The following XIRP2 variants were observed in gnomAD, a reference collection of about 807,000 sequenced individuals.
The protein encoded by XIRP2 is xin actin-binding repeat-containing protein 2.
In XIRP2, 236 loss-of-function variants were observed where a neutral mutation model predicts 277.0. The observed-to-expected ratio is 0.85, with a 90% CI of 0.77 to 0.95. XIRP2 has a LOEUF of 0.95. Among genes scored for constraint, XIRP2 ranks in the 40% least tolerant of loss-of-function variants. The pLI is 0.00. For missense variants in XIRP2, 4,640 were observed against 4,157.5 expected, an observed-to-expected ratio of 1.12 and a Z score of -3.19; for synonymous variants, 1,490 against 1,416.5, an observed-to-expected ratio of 1.05 and a Z score of -1.17.
intron 4 of XIRP2, among the ~76,000 whole-genome samples, chr2:167,213,988 G>T (rs1330722448): frequency 2.0e-5 from 3 of 151,650 alleles, no homozygotes; most frequent in Non-Finnish European, 2.9e-5. Flanking sequence ...GGAGGCTGAG[G>T]TGGGTGGATC....
intron 2 of XIRP2, among the ~76,000 whole-genome samples, chr2:167,010,062 T>G (rs1472656208): frequency 6.6e-6 from 1 of 152,084 alleles, no homozygotes; most frequent in Non-Finnish European, 1.5e-5. Context: ...AGAAGCTCTT[T>G]AGTTTAATTA....
chr2:167,047,059 C>T (rs1688804029), intron 2 of XIRP2, among the ~76,000 whole-genome samples: 1 of 151,052 alleles, frequency 6.6e-6, no homozygotes, highest in African/African-American at 2.4e-5. Context: ...ATAAGGACAC[C>T]CACTGCCTCA....
At chr2:167,116,113 T>C (rs1005818489) in intron 2 of XIRP2, among the ~76,000 whole-genome samples, 2 of 152,188 alleles carry the variant, frequency 1.3e-5, no homozygotes, top group Non-Finnish European at 2.9e-5. Context: ...ATTTTGCCTT[T>C]CTTGGGTGAG....
intron 1 of XIRP2, among the ~76,000 whole-genome samples, chr2:166,899,189 A>G (rs139174752): frequency 6.6e-6 from 1 of 152,208 alleles, no homozygotes; most frequent in African/African-American, 2.4e-5. Context: ...GATTTTTATT[A>G]GTTCCCCTAA....
intron 2 of XIRP2, among the ~76,000 whole-genome samples, chr2:166,979,846 C>T (rs1686820967): frequency 6.6e-6 from 1 of 152,028 alleles, no homozygotes; most frequent in South Asian, 2.1e-4. Flanking sequence ...GGTTTTCCTG[C>T]ATCTTTTCTT....
chr2:167,050,816 T>A (rs1688895322), intron 2 of XIRP2, among the ~76,000 whole-genome samples: 1 of 151,872 alleles, frequency 6.6e-6, no homozygotes, highest in African/African-American at 2.4e-5. Context: ...GGCACATTTT[T>A]TTTTTTTAAT....
chr2:166,894,356 C>T (rs1413313962), intron 1 of XIRP2, among the ~76,000 whole-genome samples: 2 of 152,110 alleles, frequency 1.3e-5, no homozygotes, highest in Non-Finnish European at 2.9e-5. Context: ...GAAATAAACT[C>T]TTTGGAATCC....
At chr2:166,972,796 T>A (rs1343557651) in intron 2 of XIRP2, among the ~76,000 whole-genome samples, 1 of 152,206 alleles carries the variant, frequency 6.6e-6, no homozygotes, top group Non-Finnish European at 1.5e-5. Context: ...TTAATCTTTA[T>A]TCCATTCTAT....
At chr2:167,213,740 C>G (rs1573963504) in intron 4 of XIRP2, among the ~76,000 whole-genome samples, 1 of 152,148 alleles carries the variant, frequency 6.6e-6, no homozygotes, top group Non-Finnish European at 1.5e-5. Flanking sequence ...CCGGTTATGA[C>G]CACAGACTGC....
chr2:167,245,778 T>C lies in XIRP2; in HGVS notation c.4386T>C (p.Asp1462=). 1 of 1,613,696 alleles carries C rather than the reference T, an allele frequency of 6.2e-7. No homozygotes were observed. Residue 1462 remains aspartate (D), a synonymous_variant, in exon 9 of 11, where the codon GAT becomes GAC. Coordinates refer to ENST00000409195, the MANE Select transcript of XIRP2 (RefSeq NM_152381.6). ...STWLFETHTM[D]ELRGEGLEYE... is the part of the protein sequence containing the mutation. ...GGCTATTTGAAACCCACACTATGGA[T>C]GAACTGAGAGGAGAAGGGTTAGAAT...
rs368647013 is a variant in XIRP2, at chr2:167,236,810, C to T, written c.859-3045C>T. 4.6e-5 allele frequency among the ~76,000 whole-genome samples: 7 copies of T among 152,136 alleles called. No homozygotes were observed. In the East Asian group the frequency reaches 9.7e-4, roughly 21 times the overall value. On this transcript the variant is annotated intron_variant, in intron 5 of 10. Coordinates refer to ENST00000409195, the MANE Select transcript of XIRP2 (RefSeq NM_152381.6). ...TGGTGTGAATTTATGAATGGTGACCCGAACAGAGTTGTTTATAACATTTTA... is the reference window on the plus strand; with the variant it reads ...TGGTGTGAATTTATGAATGGTGACCTGAACAGAGTTGTTTATAACATTTTA...
At chr2:167,027,375 C>G (rs1574179949) in intron 2 of XIRP2, among the ~76,000 whole-genome samples, 1 of 152,270 alleles carries the variant, frequency 6.6e-6, no homozygotes, top group East Asian at 1.9e-4. Context: ...AAGGACTTCT[C>G]TGCATTGGCT....
At chr2:166,924,080 T>A (rs1685124387) in intron 2 of XIRP2, among the ~76,000 whole-genome samples, 1 of 152,036 alleles carries the variant, frequency 6.6e-6, no homozygotes, top group South Asian at 2.1e-4. Flanking sequence ...CTGAACTGAG[T>A]AGGTCAGTGG....
At chr2:166,975,932 A>AAAAAAAAAAAAAAAAAT (rs1686706326) in intron 2 of XIRP2, among the ~76,000 whole-genome samples, 1 of 54,046 alleles carries the variant, frequency 1.9e-5, no homozygotes, top group African/African-American at 1.1e-4. Context: ...CTCCGTCTCA[A>AAAAAAAAAAAAAAAAAT]AAAAAAAAAA....
At chr2:166,980,699 T>A (rs906614065) in intron 2 of XIRP2, among the ~76,000 whole-genome samples, 3 of 152,218 alleles carry the variant, frequency 2.0e-5, no homozygotes, top group Non-Finnish European at 4.4e-5. Flanking sequence ...ATTACAGGCA[T>A]GAGCCACCAT....
rs1345111734 is a variant in XIRP2, at chr2:167,249,730, G to A, written c.8338G>A (p.Val2780Met). Residue 2780 changes from valine to methionine, a missense_variant, in exon 9 of 11, where the codon GTG becomes ATG. Val to Met is a conservative substitution (Grantham distance 21). Transcript: ENST00000409195. ...TCAGTTACCTAAGAAGGAGAAAAGAGTGACAGTACAATTGCCTACAGAATC... is the reference window on the plus strand; with the variant it reads ...TCAGTTACCTAAGAAGGAGAAAAGAATGACAGTACAATTGCCTACAGAATC... Reference protein sequence around the residue: ...HYQLPKKEKRVTVQLPTESIQ... With the variant: ...HYQLPKKEKRMTVQLPTESIQ... The A allele has an allele frequency of 3.1e-6, 5 of 1,613,390 alleles. No individual in the cohort carries two copies. Among genetic ancestry groups the A allele is most frequent in the Non-Finnish European group, 3.4e-6 (4 of 1,179,748 alleles).
intron 3 of XIRP2, among the ~76,000 whole-genome samples, chr2:167,195,381 T>G (rs1379817327): frequency 6.6e-6 from 1 of 152,200 alleles, no homozygotes; most frequent in Non-Finnish European, 1.5e-5. Context: ...TCTTAGACTC[T>G]CAATATATTC....
At chr2:167,236,663 A>G (rs1207146554) in intron 5 of XIRP2, among the ~76,000 whole-genome samples, 1 of 152,094 alleles carries the variant, frequency 6.6e-6, no homozygotes, top group African/African-American at 2.4e-5. Context: ...TAAAGGAAAG[A>G]GTTAGGACTA....
chr2:166,999,141 G>T (rs772748321), intron 2 of XIRP2, among the ~76,000 whole-genome samples: 1 of 152,016 alleles, frequency 6.6e-6, no homozygotes, highest in African/African-American at 2.4e-5. Context: ...TATTTGCTTA[G>T]GTTGAGGGAT....
Sources: allele counts gnomAD v4.1 joint callset (sites outside exome capture counted in the v4.1 genomes callset), GRCh38; gene constraint gnomAD v4.1.1; transcripts MANE v1.5; gene names NCBI Gene and HGNC (gene_info 2026-07-23, HGNC 2026-07-21).